The following GALNTL6 variants were observed in gnomAD, a reference collection of about 807,000 sequenced individuals.
GALNTL6 encodes polypeptide N-acetylgalactosaminyltransferase like 6.
GALNTL6 carries 46 observed loss-of-function variants against 73.7 expected under a neutral mutation model. The ratio of observed to expected loss-of-function variants is 0.62; its 90% CI spans 0.49 to 0.80. GALNTL6 has a LOEUF of 0.80. GALNTL6 is among the 30% of genes least tolerant of loss of function. The pLI is 0.00. For synonymous variants in GALNTL6, 259 were observed against 263.7 expected, an observed-to-expected ratio of 0.98 and a Z score of 0.17; for missense variants, 604 against 755.0, an observed-to-expected ratio of 0.80 and a Z score of 2.34.
At chr4:172,911,403 T>G (rs1219017572) in intron 8 of GALNTL6, among the ~76,000 whole-genome samples, 1 of 152,218 alleles carries the variant, frequency 6.6e-6, no homozygotes, top group Admixed American at 6.5e-5. Flanking sequence ...TAGAGACCAC[T>G]CCTTACTTCT....
intron 5 of GALNTL6, among the ~76,000 whole-genome samples, chr4:172,400,634 T>C (rs1451923704): frequency 6.6e-6 from 1 of 152,008 alleles, no homozygotes. Context: ...GTGTGGCAGG[T>C]CCTAGATAGA....
At chr4:171,964,174 CTT>C (rs34889130) in intron 2 of GALNTL6, among the ~76,000 whole-genome samples, 2 of 148,148 alleles carry the variant, frequency 1.3e-5, no homozygotes, top group African/African-American at 4.9e-5. Flanking sequence ...GTAAGCAATA[CTT>C]TTTTTTTTTT....
intron 9 of GALNTL6, among the ~76,000 whole-genome samples, chr4:172,937,362 G>A (rs1748675777): frequency 1.3e-5 from 2 of 152,132 alleles, no homozygotes; most frequent in Admixed American, 6.5e-5. Context: ...ATGTGACTAT[G>A]AGCTTTCCAT....
At chr4:172,205,043 T>C (rs1280057399) in intron 2 of GALNTL6, among the ~76,000 whole-genome samples, 2 of 152,236 alleles carry the variant, frequency 1.3e-5, no homozygotes, top group Non-Finnish European at 2.9e-5. Context: ...GATTTATTCT[T>C]TTCTTAATCC....
At chr4:172,171,861 T>C (rs1200663552) in intron 2 of GALNTL6, among the ~76,000 whole-genome samples, 1 of 152,074 alleles carries the variant, frequency 6.6e-6, no homozygotes, top group Non-Finnish European at 1.5e-5. Flanking sequence ...ACAAAGCTTC[T>C]GAACAGGGCA....
At chr4:172,183,982 G>A (rs1277270704) in intron 2 of GALNTL6, among the ~76,000 whole-genome samples, 4 of 151,938 alleles carry the variant, frequency 2.6e-5, no homozygotes, top group Middle Eastern at 3.4e-3. Flanking sequence ...TAGTAGAGAC[G>A]GGGTTTCACC....
chr4:172,326,271 A>C (rs1319666681), intron 4 of GALNTL6, among the ~76,000 whole-genome samples: 2 of 152,042 alleles, frequency 1.3e-5, no homozygotes, highest in African/African-American at 2.4e-5. Context: ...TCAGTTTAAG[A>C]AAGCAGAAAG....
At chr4:172,301,331 G>T (rs6850602) in intron 3 of GALNTL6, among the ~76,000 whole-genome samples, 62,835 of 151,984 alleles carry the variant, frequency 0.41, 15,095 homozygotes, top group South Asian at 0.62. Flanking sequence ...CTTTAGCTTG[G>T]AGTAGTTTGA....
intron 10 of GALNTL6, among the ~76,000 whole-genome samples, chr4:172,967,770 C>T (rs138068921): frequency 1.2e-4 from 18 of 152,130 alleles, no homozygotes; most frequent in Middle Eastern, 3.4e-3. Flanking sequence ...AACATAGGTA[C>T]GTATGCATAA....
At chr4:172,268,861 A>T (rs1460086136) in intron 3 of GALNTL6, among the ~76,000 whole-genome samples, 1 of 152,236 alleles carries the variant, frequency 6.6e-6, no homozygotes, top group Non-Finnish European at 1.5e-5. Context: ...CCAAGAAACC[A>T]AATTGGCTAG....
At chr4:172,669,451 A>G (rs1731852449) in intron 5 of GALNTL6, among the ~76,000 whole-genome samples, 1 of 152,220 alleles carries the variant, frequency 6.6e-6, no homozygotes, top group South Asian at 2.1e-4. Flanking sequence ...TGACCCCAAC[A>G]GTAGATGTTG....
intron 5 of GALNTL6, among the ~76,000 whole-genome samples, chr4:172,712,645 A>G (rs549733395): frequency 6.6e-6 from 1 of 152,292 alleles, no homozygotes; most frequent in African/African-American, 2.4e-5. Flanking sequence ...AAAACAAGTT[A>G]CCATGTGAGA....
At chr4:172,970,856 G>T (rs1750550582) in intron 10 of GALNTL6, among the ~76,000 whole-genome samples, 1 of 152,212 alleles carries the variant, frequency 6.6e-6, no homozygotes, top group South Asian at 2.1e-4. Context: ...AGAGATTGCA[G>T]TAAGGACAGG....
intron 2 of GALNTL6, among the ~76,000 whole-genome samples, chr4:171,923,786 C>CTCTGTGTG (rs1189195927): frequency 3.2e-4 from 42 of 133,294 alleles, no homozygotes; most frequent in African/African-American, 1.1e-3. Context: ...AAAAGTATTG[C>CTCTGTGTG]TGTGTGTGTG....
intron 5 of GALNTL6, among the ~76,000 whole-genome samples, chr4:172,606,414 A>C (rs1000598387): frequency 4.0e-5 from 6 of 149,274 alleles, no homozygotes; most frequent in Non-Finnish European, 7.4e-5. Context: ...AAATCGCGCC[A>C]TTGCATTCCA....
chr4:172,643,819 ATAT>A lies in GALNTL6; in HGVS notation c.554-165540_554-165538del, dbSNP rs548765820. Among the ~76,000 whole-genome samples, 141 of 151,988 alleles carry A rather than the reference ATAT, an allele frequency of 9.3e-4. 1 individual carries two copies. Among genetic ancestry groups the A allele is most frequent in the African/African-American group, 3.1e-3 (128 of 41,488 alleles). On this transcript the variant is annotated intron_variant, in intron 5 of 12. Coordinates refer to ENST00000506823, the MANE Select transcript of GALNTL6 (RefSeq NM_001034845.3). The stretch of plus-strand genomic sequence containing the variant: ...AGTTGATTTTTTATACTGCTGATGG[ATAT>A]TTTGGGTTGTTTCTAGTTTATAACT...
chr4:172,618,462 C>T (rs1477553751), intron 5 of GALNTL6, among the ~76,000 whole-genome samples: 2 of 152,118 alleles, frequency 1.3e-5, no homozygotes, highest in African/African-American at 4.8e-5. Flanking sequence ...ATGAATGCCC[C>T]AGACCCAACT....
chr4:172,994,756 A>G (rs532195771), intron 10 of GALNTL6, among the ~76,000 whole-genome samples: 8 of 152,242 alleles, frequency 5.3e-5, no homozygotes, highest in Admixed American at 4.6e-4. Context: ...AAGAGAATCT[A>G]CTTCTCTAGA....
chr4:172,311,028 G>A (rs1472725948), intron 3 of GALNTL6, among the ~76,000 whole-genome samples: 1 of 151,956 alleles, frequency 6.6e-6, no homozygotes, highest in African/African-American at 2.4e-5. Context: ...ATTAAAATAT[G>A]AGGAATATAT....
Sources: gnomAD v4.1 joint callset for allele counts (sites outside exome capture counted in the v4.1 genomes callset) on GRCh38, gnomAD v4.1.1 for gene constraint, MANE v1.5 for transcripts, NCBI Gene and HGNC (gene_info 2026-07-23, HGNC 2026-07-21) for gene names.